The following PCSK2 variants were observed in gnomAD, a reference collection of about 807,000 sequenced individuals.
PCSK2 encodes the protein proprotein convertase subtilisin/kexin type 2, also known as neuroendocrine convertase 2.
A neutral mutation model predicts 69.7 loss-of-function variants in PCSK2; 14 were observed. That is an observed-to-expected ratio of 0.20 (90% CI 0.13 to 0.31). The LOEUF (loss-of-function observed/expected upper bound fraction) is 0.31. PCSK2 is among the 10% of genes least tolerant of loss of function. The pLI, the probability that PCSK2 is intolerant of heterozygous loss-of-function variation, is 1.00. For missense variants in PCSK2, 544 were observed against 842.5 expected (o/e 0.65, Z 4.39); for synonymous variants, 307 against 320.7 (o/e 0.96, Z 0.46).
At chr20:17,237,761 A>G (rs975758159) in intron 1 of PCSK2, among the ~76,000 whole-genome samples, 1 of 152,178 alleles carries the variant, frequency 6.6e-6, no homozygotes, top group Non-Finnish European at 1.5e-5. Context: ...AATTGAGATA[A>G]GGAAAGGAAG....
Position 17,483,941 on chromosome 20 carries a change from A to ACATG in PCSK2, c.*1871_*1872insCATG, listed in dbSNP as rs1600618820. 5.2e-5 allele frequency: 8 copies of ACATG among 152,610 alleles called. 1 individual carries two copies. The highest frequency in any genetic ancestry group is 1.0e-4 in the Non-Finnish European group (7 of 68,042). 9.5% of individuals were successfully genotyped at this position (152,610 alleles called of 1,614,324 possible). ...GTAGACTATATACATGTGTGTATAT[A>ACATG]TGTGTATATATACATACACTTGTAT... On this transcript the variant is annotated 3_prime_UTR_variant, in exon 12 of 12. Coordinates refer to ENST00000262545, the MANE Select transcript of PCSK2 (RefSeq NM_002594.5).
intron 2 of PCSK2, among the ~76,000 whole-genome samples, chr20:17,348,795 T>G (rs186193781): frequency 1.3e-4 from 20 of 152,340 alleles, no homozygotes; most frequent in African/African-American, 4.6e-4. Context: ...ACCAGTTATA[T>G]TGGATGAGAC....
chr20:17,378,644 A>G (rs113316708), intron 5 of PCSK2, among the ~76,000 whole-genome samples: 92 of 80,410 alleles, frequency 1.1e-3, no homozygotes, highest in South Asian at 2.5e-3. Context: ...TGGATGGATG[A>G]ATGGATGGAT....
intron 5 of PCSK2, among the ~76,000 whole-genome samples, chr20:17,378,584 G>T (rs1226497070): frequency 6.8e-6 from 1 of 146,090 alleles, no homozygotes; most frequent in Admixed American, 6.8e-5. Flanking sequence ...ATTATGGATG[G>T]ATGGACGGAT....
chr20:17,468,764 C>T (rs566922572), intron 11 of PCSK2, among the ~76,000 whole-genome samples: 9 of 152,064 alleles, frequency 5.9e-5, no homozygotes, highest in Admixed American at 5.9e-4. Context: ...GGTCAGCATC[C>T]TCCCACAGAC....
intron 5 of PCSK2, among the ~76,000 whole-genome samples, chr20:17,371,133 C>T (rs993650448): frequency 1.3e-5 from 2 of 152,252 alleles, no homozygotes; most frequent in Middle Eastern, 3.4e-3. Flanking sequence ...GGGTGGTACC[C>T]ATTGGGCTGG....
chr20:17,316,348 T>G (rs902943848), intron 2 of PCSK2, among the ~76,000 whole-genome samples: 3 of 152,252 alleles, frequency 2.0e-5, no homozygotes, highest in Non-Finnish European at 4.4e-5. Flanking sequence ...GCTTTAAAAT[T>G]ATATGTCTGT....
chr20:17,257,609 G>C (rs780367643), intron 1 of PCSK2, among the ~76,000 whole-genome samples: 13 of 152,164 alleles, frequency 8.5e-5, no homozygotes, highest in Non-Finnish European at 1.8e-4. Flanking sequence ...TTTTCTTAAA[G>C]ACCTTGAATC....
rs1568593865 is a variant in PCSK2 at position 17,303,527 on chromosome 20, TA to T, written c.282+43184del. 8.5e-4 allele frequency among the ~76,000 whole-genome samples: 36 copies of T among 42,340 alleles called. No individual in the cohort carries two copies. The East Asian group carries it at 0.016, about 19-fold the overall frequency. 27.8% of individuals were successfully genotyped at this position (42,340 alleles called of 152,430 possible). A position where few individuals can be genotyped will look rare whatever the true frequency, so the allele number is the denominator to read the frequency against. ...TATATATTATATATAATATAATATA[TA>T]TTATATTATATATAATATGATATAA... On this transcript the variant is annotated intron_variant, in intron 2 of 11. Coordinates refer to ENST00000262545, the MANE Select transcript of PCSK2 (RefSeq NM_002594.5).
chr20:17,344,113 T>C (rs1437946745), intron 2 of PCSK2, among the ~76,000 whole-genome samples: 1 of 152,230 alleles, frequency 6.6e-6, no homozygotes, highest in Non-Finnish European at 1.5e-5. Flanking sequence ...GTCGATTCAT[T>C]ACTTTTTTCA....
In PCSK2 at chr20:17,377,176, A is replaced by G. The variant is rs141173546; in HGVS notation, c.543+7899A>G. Among the ~76,000 whole-genome samples the G allele has an allele frequency of 3.0e-4, 45 of 152,362 alleles. No individual in the cohort carries two copies. The East Asian group carries it at 7.5e-3, about 25-fold the overall frequency. The stretch of plus-strand genomic sequence containing the variant: ...GTCTAGAATCCCTCAAGTTGCTGGA[A>G]ATGCAATTAGGTTCCTAGATAGGAG... On this transcript the variant is annotated intron_variant, in intron 5 of 11. Transcript: ENST00000262545.
intron 1 of PCSK2, among the ~76,000 whole-genome samples, chr20:17,244,701 A>C (rs2122961527): frequency 6.6e-6 from 1 of 152,282 alleles, no homozygotes; most frequent in South Asian, 2.1e-4. Flanking sequence ...TGGTTACTCA[A>C]GTGTAAAATT....
intron 4 of PCSK2, among the ~76,000 whole-genome samples, chr20:17,362,024 G>T (rs143028124): frequency 6.6e-6 from 1 of 152,200 alleles, no homozygotes; most frequent in African/African-American, 2.4e-5. Flanking sequence ...ATCCCCAGCC[G>T]GGGATCAGAG....
chr20:17,358,269 T>G, intron 2 of PCSK2, 58 bp from the exon 3 acceptor site: 1 of 1,080,350 alleles, frequency 9.3e-7, no homozygotes, highest in Non-Finnish European at 1.4e-6. Flanking sequence ...GGAAACAAAT[T>G]CCAGAAGACA....
intron 2 of PCSK2, among the ~76,000 whole-genome samples, chr20:17,338,555 T>C (rs1990424523): frequency 6.6e-6 from 1 of 152,186 alleles, no homozygotes; most frequent in Non-Finnish European, 1.5e-5. Flanking sequence ...TTTTGCCTGT[T>C]CTGTCAGGAT....
At chr20:17,292,735 G>A (rs6080629) in intron 2 of PCSK2, among the ~76,000 whole-genome samples, 1 of 152,022 alleles carries the variant, frequency 6.6e-6, no homozygotes, top group East Asian at 1.9e-4. Flanking sequence ...TCTTTATTTA[G>A]GTCTTACATA....
chr20:17,254,431 C>T lies in PCSK2; in HGVS notation c.178-5809C>T, dbSNP rs555557681. ...TCATGTGAATATCTAATTGTCCAAGCACAAAACTGTGCTTGAACAGACTAT... is the reference window on the plus strand; with the variant it reads ...TCATGTGAATATCTAATTGTCCAAGTACAAAACTGTGCTTGAACAGACTAT... On this transcript the variant is annotated intron_variant, in intron 1 of 11. Transcript: ENST00000262545. Among the ~76,000 whole-genome samples the T allele has an allele frequency of 6.5e-4, 99 of 152,218 alleles. 1 individual carries two copies. Among genetic ancestry groups the T allele is most frequent in the Non-Finnish European group, 4.6e-4 (31 of 68,000 alleles).
At chr20:17,363,401 G>A (rs974038091) in intron 4 of PCSK2, among the ~76,000 whole-genome samples, 6 of 152,222 alleles carry the variant, frequency 3.9e-5, no homozygotes, top group African/African-American at 1.4e-4. Context: ...TGTCTAAAGG[G>A]GCAGAAATTA....
In PCSK2 at chr20:17,402,417, G is replaced by A. The variant is rs189596782; in HGVS notation, c.544-6846G>A. On this transcript the variant is annotated intron_variant, in intron 5 of 11. Coordinates refer to ENST00000262545, the MANE Select transcript of PCSK2 (RefSeq NM_002594.5). Reference sequence around the variant, plus strand: ...ACAGAGGCTCATGCCTGTAATCCCAGCACTTTGGGAGGCTGAGGCAGGCAG... The same window carrying A: ...ACAGAGGCTCATGCCTGTAATCCCAACACTTTGGGAGGCTGAGGCAGGCAG... 1.4e-3 allele frequency among the ~76,000 whole-genome samples: 207 copies of A among 152,310 alleles called. 1 individual carries two copies. Among genetic ancestry groups the A allele is most frequent in the African/African-American group, 4.4e-3 (181 of 41,566 alleles).
Sources: allele counts gnomAD v4.1 joint callset (sites outside exome capture counted in the v4.1 genomes callset), GRCh38; gene constraint gnomAD v4.1.1; transcripts MANE v1.5; gene names NCBI Gene and HGNC (gene_info 2026-07-23, HGNC 2026-07-21).